C4orf51: variants seen among roughly 807,000 people sequenced by gnomAD.
C4orf51 encodes chromosome 4 open reading frame 51.
C4orf51 carries 25 observed loss-of-function variants against 25.2 expected under a neutral mutation model. That is an observed-to-expected ratio of 0.99 (90% CI 0.72 to 1.39). The LOEUF (loss-of-function observed/expected upper bound fraction) is 1.39, where lower values mean the gene tolerates loss of function less well. Among genes scored for constraint, C4orf51 ranks in the 40% most tolerant of loss-of-function variants. The pLI is 0.00. For missense variants in C4orf51, 252 were observed against 239.6 expected, an observed-to-expected ratio of 1.05 and a Z score of -0.34; for synonymous variants, 100 against 84.5, an observed-to-expected ratio of 1.18 and a Z score of -1.01.
At position 145,682,309 on chromosome 4, in the gene C4orf51, G is replaced by A. The variant is rs114417796; in HGVS notation, c.233+1873G>A. ...TATAAATGAAGATGAAGCACAAATT[G>A]AGCTCATTTTGAAAGTACTGATTAT... On this transcript the variant is annotated intron_variant, in intron 1 of 5. Coordinates refer to ENST00000438731, the MANE Select transcript of C4orf51 (RefSeq NM_001080531.3). Among the ~76,000 whole-genome samples the A allele has an allele frequency of 2.3e-3, 345 of 152,320 alleles. 2 individuals are homozygous for A. Among genetic ancestry groups the A allele is most frequent in the African/African-American group, 7.7e-3 (319 of 41,578 alleles).
chr4:145,727,590 C>T (rs1732131693), intron 3 of C4orf51, among the ~76,000 whole-genome samples: 1 of 151,516 alleles, frequency 6.6e-6, no homozygotes, highest in Admixed American at 6.6e-5. Flanking sequence ...TAAAATATGC[C>T]ATAGGCCGGG....
At chr4:145,741,188 G>A (rs1733077289) in intron 1 of C4orf51, among the ~76,000 whole-genome samples, 2 of 152,186 alleles carry the variant, frequency 1.3e-5, no homozygotes, top group African/African-American at 4.8e-5. Context: ...TGGTGGCTGA[G>A]TCTGGGGCTC....
At chr4:145,747,586 A>G (rs1274421305) in intron 1 of C4orf51, among the ~76,000 whole-genome samples, 1 of 152,000 alleles carries the variant, frequency 6.6e-6, no homozygotes, top group Non-Finnish European at 1.5e-5. Context: ...TTAATGTGTC[A>G]TTAAATTCAG....
At chr4:145,771,986 GAGGTCCT>G (rs1173018695), downstream of C4orf51, among the ~76,000 whole-genome samples, 5 of 152,202 alleles carry the variant, frequency 3.3e-5, no homozygotes, top group Non-Finnish European at 1.5e-5. Context: ...GAAGTTAACT[GAGGTCCT>G]ACATTCACAA....
At chr4:145,697,783 G>C (rs1730168422) in intron 2 of C4orf51, among the ~76,000 whole-genome samples, 1 of 152,158 alleles carries the variant, frequency 6.6e-6, no homozygotes, top group Non-Finnish European at 1.5e-5. Context: ...GTTGTTTCTA[G>C]ATCTTGACTC....
chr4:145,776,418 A>G, the C4orf51 span, among the ~76,000 whole-genome samples: 1 of 151,908 alleles, frequency 6.6e-6, no homozygotes, highest in African/African-American at 2.4e-5. Context: ...CCACAATCAC[A>G]TCACTGCACT....
At chr4:145,782,341 T>C in the C4orf51 span, among the ~76,000 whole-genome samples, 1 of 152,164 alleles carries the variant, frequency 6.6e-6, no homozygotes, top group Non-Finnish European at 1.5e-5. Context: ...AAAGGCCCGT[T>C]CTTTTTTCCA....
At chr4:145,759,462 C>G (rs112873711) in intron 1 of C4orf51, 1 of 152,212 alleles carries the variant, frequency 6.6e-6, no homozygotes, top group African/African-American at 2.4e-5. Context: ...ATCTACCAGG[C>G]GTTAACAAAA....
intron 2 of C4orf51, among the ~76,000 whole-genome samples, chr4:145,698,874 A>G (rs986486097): frequency 3.3e-5 from 5 of 152,206 alleles, no homozygotes; most frequent in Non-Finnish European, 5.9e-5. Flanking sequence ...TGACTTGCAC[A>G]TATACGCCCA....
intron 1 of C4orf51, among the ~76,000 whole-genome samples, chr4:145,748,141 A>G (rs1471569156): frequency 1.3e-5 from 2 of 151,922 alleles, no homozygotes; most frequent in Non-Finnish European, 2.9e-5. Context: ...CTAGAACTTT[A>G]TCCATTTCTT....
the C4orf51 span, among the ~76,000 whole-genome samples, chr4:145,780,158 T>G: frequency 1.3e-5 from 2 of 151,640 alleles, no homozygotes; most frequent in Non-Finnish European, 2.9e-5. Flanking sequence ...GCCACTGCAC[T>G]CCAGCCTGGG....
At chr4:145,751,589 C>G (rs187201782) in intron 1 of C4orf51, among the ~76,000 whole-genome samples, 1 of 152,328 alleles carries the variant, frequency 6.6e-6, no homozygotes, top group Non-Finnish European at 1.5e-5. Context: ...GACCTGAAGC[C>G]AGCACAGCAC....
Position 145,730,104 on chromosome 4 carries a change from A to C in C4orf51, c.501+139A>C, listed in dbSNP as rs114534220. On this transcript the variant is annotated intron_variant, in intron 5 of 5. Coordinates refer to ENST00000438731, the MANE Select transcript of C4orf51 (RefSeq NM_001080531.3). ...GGTATAAAAGTATTCCCTAAGTTAC[A>C]ATCAGGCAAAAAGCGGAGCTGTTCT... 530 of 690,728 alleles carry C rather than the reference A, an allele frequency of 7.7e-4. 2 individuals carry two copies. The African/African-American group carries it at 8.3e-3, about 11-fold the overall frequency. 42.8% of individuals were successfully genotyped at this position (690,728 alleles called of 1,614,324 possible).
rs1734748972 is a variant in C4orf51, at chr4:145,762,875, G to T, written n.167-8113G>T. ...CTGCCTCAGCTCTTGCTTGGCTCCTGCAGGGCAGGGCTCAGGAGTGGACTG... is the reference window on the plus strand; with the variant it reads ...CTGCCTCAGCTCTTGCTTGGCTCCTTCAGGGCAGGGCTCAGGAGTGGACTG... On this transcript the variant is annotated intron_variant and non_coding_transcript_variant, in intron 1 of 1. Transcript: ENST00000510096. This position sits in a 1 kb window ranked among gnomAD's most constrained non-coding sequence, Gnocchi z 4.9. 6.6e-6 allele frequency among the ~76,000 whole-genome samples: 1 copy of T among 152,248 alleles called. No individual in the cohort carries two copies. Among genetic ancestry groups the T allele is most frequent in the South Asian group, 2.1e-4 (1 of 4,836 alleles).
intron 2 of C4orf51, among the ~76,000 whole-genome samples, chr4:145,705,667 T>C (rs1333676892): frequency 6.6e-6 from 1 of 152,068 alleles, no homozygotes; most frequent in Non-Finnish European, 1.5e-5. Flanking sequence ...AGGGACAGGA[T>C]TTTGCCTCTG....
chr4:145,774,710 A>G (rs576954879), downstream of C4orf51: 15 of 1,597,444 alleles, frequency 9.4e-6, no homozygotes, highest in African/African-American at 1.7e-4. Context: ...GGGAGAGAAA[A>G]GGGTGACACA....
At chr4:145,769,406 C>G (rs189001508) in intron 1 of C4orf51, among the ~76,000 whole-genome samples, 1 of 152,276 alleles carries the variant, frequency 6.6e-6, no homozygotes, top group East Asian at 1.9e-4. Context: ...CTAATATTCA[C>G]CTGTTGCAAG....
At chr4:145,786,226 G>A in the C4orf51 span, among the ~76,000 whole-genome samples, 1 of 152,158 alleles carries the variant, frequency 6.6e-6, no homozygotes, top group Admixed American at 6.5e-5. Context: ...TATATTTGGT[G>A]TATTGTTTGG....
chr4:145,732,383 AT>A, intron 5 of C4orf51, 69 bp from the exon 6 acceptor site: 1 of 926,850 alleles, frequency 1.1e-6, no homozygotes, highest in Non-Finnish European at 1.7e-6. Context: ...AGACCATTTA[AT>A]TCCCAATTCT....
Sources: allele counts gnomAD v4.1 joint callset (sites outside exome capture counted in the v4.1 genomes callset), GRCh38; gene constraint gnomAD v4.1.1; non-coding constraint Gnocchi (gnomAD v3.1); transcripts MANE v1.5; gene names NCBI Gene and HGNC (gene_info 2026-07-23, HGNC 2026-07-21).